The following CWH43 variants were observed in gnomAD, a reference collection of about 807,000 sequenced individuals.
The protein encoded by CWH43 is PGAP2-interacting protein.
CWH43 carries 91 observed loss-of-function variants against 85.7 expected under a neutral mutation model. The ratio of observed to expected loss-of-function variants is 1.06; its 90% confidence interval spans 0.90 to 1.26. The LOEUF (loss-of-function observed/expected upper bound fraction) is 1.26. Among genes scored for constraint, CWH43 ranks in the 50% most tolerant of loss-of-function variants. The pLI is 0.00. For synonymous variants in CWH43, 323 were observed against 293.6 expected (o/e 1.10, Z -1.02); for missense variants, 869 against 839.2 (o/e 1.04, Z -0.44).
At chr4:49,056,242 A>G (rs1046314397) in intron 15 of CWH43, among the ~76,000 whole-genome samples, 3 of 152,052 alleles carry the variant, frequency 2.0e-5, no homozygotes, top group African/African-American at 7.2e-5. Context: ...AAAGGATATG[A>G]ACTCATCATT....
chr4:48,996,552 A>G (rs1782820906), intron 5 of CWH43, among the ~76,000 whole-genome samples: 1 of 152,218 alleles, frequency 6.6e-6, no homozygotes, highest in African/African-American at 2.4e-5. Flanking sequence ...GCAGAGAAGA[A>G]AGAAAGGAAC....
At chr4:49,035,231 G>A (rs530339135) in intron 12 of CWH43, among the ~76,000 whole-genome samples, 3 of 152,334 alleles carry the variant, frequency 2.0e-5, no homozygotes, top group Admixed American at 6.5e-5. Flanking sequence ...GCATATAAAT[G>A]TGAAAATCCT....
intron 9 of CWH43, among the ~76,000 whole-genome samples, chr4:49,026,601 A>G (rs1294734677): frequency 6.6e-6 from 1 of 150,486 alleles, no homozygotes; most frequent in Non-Finnish European, 1.5e-5. Flanking sequence ...GCATCCTCAT[A>G]GCTTAGCTCC....
At chr4:49,004,660 G>T (rs1783098912) in intron 7 of CWH43, among the ~76,000 whole-genome samples, 1 of 152,124 alleles carries the variant, frequency 6.6e-6, no homozygotes, top group African/African-American at 2.4e-5. Context: ...AAAGTGCTAG[G>T]ATTACAGGTG....
intron 10 of CWH43, among the ~76,000 whole-genome samples, chr4:49,029,821 C>T (rs756304658): frequency 1.3e-5 from 2 of 152,224 alleles, no homozygotes; most frequent in Non-Finnish European, 2.9e-5. Flanking sequence ...ATTTGTAACA[C>T]AGATTCCTTT....
At chr4:49,061,779 CA>C (rs1785166287) in intron 15 of CWH43, 32 bp from the exon 16 acceptor site, 1 of 1,300,680 alleles carries the variant, frequency 7.7e-7, no homozygotes, top group Non-Finnish European at 1.0e-6. Flanking sequence ...TTTTACATGC[CA>C]ATAACTTTTT....
intron 14 of CWH43, among the ~76,000 whole-genome samples, chr4:49,047,345 G>C (rs1346625890): frequency 3.3e-5 from 5 of 152,182 alleles, no homozygotes; most frequent in Non-Finnish European, 1.5e-5. Context: ...AAACAAAACA[G>C]AGAAGGATCT....
chr4:49,008,943 G>T (rs981460886), intron 8 of CWH43, among the ~76,000 whole-genome samples: 1 of 152,182 alleles, frequency 6.6e-6, no homozygotes, highest in Non-Finnish European at 1.5e-5. Context: ...GCCTAGGATT[G>T]TCCTGGCTAT....
In CWH43 at chr4:49,027,690, A is replaced by G. The variant is rs148975593; in HGVS notation, c.1267-939A>G. ...CAAGCATTTATCCCTTGGGTTACAA[A>G]CAATTCAATTACATTCTTTATTTTA... On this transcript the variant is annotated intron_variant, in intron 9 of 15. Coordinates refer to ENST00000226432, the MANE Select transcript of CWH43 (RefSeq NM_025087.3). Among the ~76,000 whole-genome samples the G allele has an allele frequency of 8.4e-3, 1,278 of 152,326 alleles. 3 individuals are homozygous for G. The highest frequency in any genetic ancestry group is 0.015 in the African/African-American group (625 of 41,566).
At chr4:48,991,682 T>C in intron 3 of CWH43, 108 bp downstream of exon 3, 1 of 1,298,524 alleles carries the variant, frequency 7.7e-7, no homozygotes, top group Admixed American at 2.4e-5. Flanking sequence ...CCATATGGCT[T>C]TGTCAAAGTC....
chr4:48,994,910 G>A, intron 5 of CWH43, 90 bp downstream of exon 5: 2 of 1,042,920 alleles, frequency 1.9e-6, no homozygotes, highest in Non-Finnish European at 1.5e-6. Context: ...GTCTGTGCTA[G>A]CCAGATATTT....
At chr4:49,009,014 A>G (rs1463026599) in intron 8 of CWH43, among the ~76,000 whole-genome samples, 6 of 152,210 alleles carry the variant, frequency 3.9e-5, no homozygotes, top group Non-Finnish European at 7.3e-5. Flanking sequence ...CTGTGAAGAA[A>G]GTCATTGGTG....
intron 9 of CWH43, among the ~76,000 whole-genome samples, chr4:49,028,308 C>T (rs1417525227): frequency 6.6e-6 from 1 of 152,054 alleles, no homozygotes; most frequent in Non-Finnish European, 1.5e-5. Flanking sequence ...CCACATAGCA[C>T]CATTTGTTTA....
At chr4:49,009,567 A>G (rs1208755577) in intron 8 of CWH43, among the ~76,000 whole-genome samples, 1 of 152,182 alleles carries the variant, frequency 6.6e-6, no homozygotes, top group Non-Finnish European at 1.5e-5. Context: ...TTTCAAACGG[A>G]ATGCTTCCAG....
rs1215581778 is a variant in CWH43, at chr4:49,061,877, A to G, written c.2087A>G (p.Lys696Arg). Residue 696 changes from lysine to arginine, a missense_variant, in exon 16 of 16, where the codon AAA becomes AGA. Around this residue, in one of 3 missense-constraint regions of CWH43, gnomAD observed 577 missense variants for 513.1 expected, o/e 1.12. Transcript: ENST00000226432. The part of the protein sequence containing the change: ...NNHHFHMNTP[K>R]YFL ...CATCATTTTCATATGAATACTCCCA[A>G]ATACTTTTTATGAAACATTTAAAAC... The G allele has an allele frequency of 7.2e-7, 1 of 1,381,434 alleles. No individual in the cohort carries two copies. The highest frequency in any genetic ancestry group is 9.6e-7 in the Non-Finnish European group (1 of 1,037,600). 85.6% of individuals were successfully genotyped at this position (1,381,434 alleles called of 1,614,324 possible). A position where few individuals can be genotyped will look rare whatever the true frequency, so the allele number is the denominator to read the frequency against.
intron 9 of CWH43, among the ~76,000 whole-genome samples, 186 bp downstream of exon 9, chr4:49,017,514 T>C (rs1783591751): frequency 1.3e-5 from 2 of 152,212 alleles, no homozygotes; most frequent in Admixed American, 6.5e-5. Context: ...GTTCTTGGAA[T>C]AGGATAGGCC....
In CWH43 at chr4:49,041,502, A is replaced by G. The variant is rs965228984; in HGVS notation, c.1804-3284A>G. 3.1e-4 allele frequency among the ~76,000 whole-genome samples: 47 copies of G among 152,258 alleles called. 1 individual carries two copies. Among genetic ancestry groups the G allele is most frequent in the Non-Finnish European group, 5.4e-4 (37 of 68,018 alleles). ...TTCCTAAGTATTTTATTCTCTTTGA[A>G]GCAATTGTGAATGGGAGTTCACTCA... is the stretch of plus-strand genomic sequence containing the variant. On this transcript the variant is annotated intron_variant, in intron 13 of 15. Transcript: ENST00000226432.
chr4:49,006,892 C>G (rs536120575), intron 7 of CWH43, among the ~76,000 whole-genome samples: 288 of 152,236 alleles, frequency 1.9e-3, no homozygotes, highest in African/African-American at 6.6e-3. Context: ...TGTCCCCTGC[C>G]CAATCAACAG....
rs773892007 is a variant in CWH43 at position 49,032,719 on chromosome 4, G to C, written c.1658+4G>C. On this transcript the variant is annotated splice_donor_region_variant and intron_variant, in intron 12 of 15. Coordinates refer to ENST00000226432, the MANE Select transcript of CWH43 (RefSeq NM_025087.3). ...TGACACACTTTGGGAACCACGAGTG[G>C]GTTTCTTTGGCCCACCTAATATTAC... 3 of 1,613,744 alleles carry C rather than the reference G, an allele frequency of 1.9e-6. No individual in the cohort carries two copies. In the African/African-American group the frequency reaches 4.0e-5, roughly 22 times the overall value.
Sources: gnomAD v4.1 joint callset for allele counts (sites outside exome capture counted in the v4.1 genomes callset) on GRCh38, gnomAD v4.1.1 for gene constraint, gnomAD v4.1.1 regional missense constraint, MANE v1.5 for transcripts, NCBI Gene and HGNC (gene_info 2026-07-23, HGNC 2026-07-21) for gene names.